RGS12: variants seen among roughly 807,000 people sequenced by gnomAD.
RGS12 encodes regulator of G-protein signaling 12.
RGS12 carries 66 observed loss-of-function variants against 120.1 expected under a neutral mutation model. That is an observed-to-expected ratio of 0.55 (90% CI 0.45 to 0.67). The LOEUF (loss-of-function observed/expected upper bound fraction) is 0.67. Ranked by LOEUF, RGS12 falls within the 30% of genes least tolerant of loss-of-function variation. The probability of loss-of-function intolerance (pLI) is 0.00; values close to 1 mark genes in which losing one functional copy is unlikely to be tolerated. For missense variants in RGS12, 1,859 were observed against 1,957.7 expected (o/e 0.95, Z 0.95); for synonymous variants, 827 against 804.7 (o/e 1.03, Z -0.47).
At chr4:3,408,705 C>T (rs1385576725) in intron 4 of RGS12, among the ~76,000 whole-genome samples, 1 of 152,118 alleles carries the variant, frequency 6.6e-6, no homozygotes, top group Non-Finnish European at 1.5e-5. Flanking sequence ...AGTTTTCTGT[C>T]CTGATCCTTA....
chr4:3,341,981 C>G (rs1429413526), intron 2 of RGS12, among the ~76,000 whole-genome samples: 1 of 150,678 alleles, frequency 6.6e-6, no homozygotes, highest in Non-Finnish European at 1.5e-5. Context: ...GGTCTGAGGA[C>G]ATGATGGGGT....
intron 2 of RGS12, among the ~76,000 whole-genome samples, chr4:3,326,064 A>G (rs1725534943): frequency 6.6e-6 from 1 of 152,240 alleles, no homozygotes; most frequent in East Asian, 1.9e-4. Context: ...AGCCAACATC[A>G]TACCAAAAGG....
At chr4:3,432,134 G>A in intron 17 of RGS12, 2 of 985,486 alleles carry the variant, frequency 2.0e-6, no homozygotes, top group Non-Finnish European at 2.4e-6. Flanking sequence ...TGCGTTTTGA[G>A]TCTGTTCTTC....
Position 3,420,715 on chromosome 4 carries a change from C to G in RGS12, c.2835C>G (p.Asp945Glu), listed in dbSNP as rs746423515. The G allele has an allele frequency of 6.2e-7, 1 of 1,611,764 alleles. No individual in the cohort carries two copies. The highest frequency in any genetic ancestry group is 8.5e-7 in the Non-Finnish European group (1 of 1,179,836). Residue 945 changes from aspartate to glutamate, a missense_variant, in exon 10 of 18, where the codon GAC becomes GAG. Coordinates refer to ENST00000336727, the MANE Select transcript of RGS12 (RefSeq NM_001394154.1). ...QGSVSSAGSL[D>E]LSEACRTLAP... ...CTGTGTCCTCTGCGGGGAGCCTGGACCTGGTGAGTCACTGTCTCCCCTCGT... is the reference window on the plus strand; with the variant it reads ...CTGTGTCCTCTGCGGGGAGCCTGGAGCTGGTGAGTCACTGTCTCCCCTCGT...
At chr4:3,310,827 C>T (rs1037324965) in intron 1 of RGS12, among the ~76,000 whole-genome samples, 22 of 152,214 alleles carry the variant, frequency 1.4e-4, no homozygotes, top group Non-Finnish European at 2.5e-4. Context: ...GAGAAGGTGG[C>T]GTGGTGTCTT....
intron 4 of RGS12, among the ~76,000 whole-genome samples, chr4:3,400,590 T>C (rs915117193): frequency 1.6e-4 from 24 of 150,196 alleles, no homozygotes; most frequent in Admixed American, 1.6e-3. Context: ...TACATGAATG[T>C]ACTCTATTAA....
chr4:3,405,389 C>T (rs1395644833), intron 4 of RGS12, among the ~76,000 whole-genome samples: 1 of 152,194 alleles, frequency 6.6e-6, no homozygotes, highest in Non-Finnish European at 1.5e-5. Flanking sequence ...GCATTCCAGC[C>T]AGTCACAAAG....
intron 2 of RGS12, among the ~76,000 whole-genome samples, chr4:3,332,419 A>G (rs1448951347): frequency 6.6e-6 from 1 of 152,240 alleles, no homozygotes; most frequent in African/African-American, 2.4e-5. Flanking sequence ...TTAACACTGT[A>G]TAATCCATTG....
chr4:3,436,080 C>T (rs917183932), intron 17 of RGS12, among the ~76,000 whole-genome samples: 5 of 152,222 alleles, frequency 3.3e-5, no homozygotes. Context: ...CAGCCCATCA[C>T]ACACAGTCAT....
At chr4:3,307,408 C>T (rs575464536) in intron 1 of RGS12, among the ~76,000 whole-genome samples, 1 of 152,314 alleles carries the variant, frequency 6.6e-6, no homozygotes, top group South Asian at 2.1e-4. Flanking sequence ...GGTAGATTTT[C>T]GTAAAACTAG....
intron 14 of RGS12, 67 bp downstream of exon 14, chr4:3,425,627 G>GGGTTGGCAT (rs1723533966): frequency 8.4e-7 from 1 of 1,187,734 alleles, no homozygotes; most frequent in Non-Finnish European, 1.2e-6. Context: ...GGGGGCTATG[G>GGGTTGGCAT]AGCCGGTGCA....
At chr4:3,396,112 C>A (rs542307691) in intron 4 of RGS12, among the ~76,000 whole-genome samples, 6 of 151,560 alleles carry the variant, frequency 4.0e-5, no homozygotes, top group Admixed American at 2.0e-4. Context: ...CAAATATTTT[C>A]CCAAATATTT....
In RGS12 at chr4:3,316,257, G is replaced by GTC. The variant is rs1211224911; in HGVS notation, c.87_88insTC (p.Ala30SerfsTer20). 1 of 1,613,592 alleles carries GTC rather than the reference G, an allele frequency of 6.2e-7. No homozygotes were observed. Among genetic ancestry groups the GTC allele is most frequent in the South Asian group, 1.1e-5 (1 of 91,034 alleles). On this transcript the variant is annotated frameshift_variant, in exon 2 of 18. Coordinates refer to ENST00000336727, the MANE Select transcript of RGS12 (RefSeq NM_001394154.1). LOFTEE classifies it high-confidence loss of function. Reference sequence around the variant, plus strand: ...GGAGTGTGGAGGTTGCCCGGGGGAGGGCCGGCTACGGATTCACGCTTTCGG... The same window carrying GTC: ...GGAGTGTGGAGGTTGCCCGGGGGAGGTCGCCGGCTACGGATTCACGCTTTCGG...
upstream of RGS12, among the ~76,000 whole-genome samples, chr4:3,291,392 G>T (rs921324008): frequency 7.0e-6 from 1 of 142,652 alleles, no homozygotes; most frequent in Non-Finnish European, 1.5e-5. Context: ...TGTCACCTAG[G>T]CTGGAGTGCA....
At chr4:3,424,600 C>T (rs531924350) in intron 13 of RGS12, among the ~76,000 whole-genome samples, 2 of 152,310 alleles carry the variant, frequency 1.3e-5, no homozygotes, top group South Asian at 2.1e-4. Context: ...GTGCTCGTGG[C>T]ATGGTTGGGG....
intron 4 of RGS12, among the ~76,000 whole-genome samples, chr4:3,391,027 G>A (rs1373834367): frequency 6.6e-6 from 1 of 152,218 alleles, no homozygotes; most frequent in Non-Finnish European, 1.5e-5. Flanking sequence ...CAGAAAAACA[G>A]TGCAGCCTAA....
At chr4:3,437,695 C>T (rs1724941256) in intron 17 of RGS12, among the ~76,000 whole-genome samples, 1 of 152,134 alleles carries the variant, frequency 6.6e-6, no homozygotes, top group Admixed American at 6.5e-5. Flanking sequence ...TCCACATGGA[C>T]CCCTGGGCCT....
chr4:3,317,594 C>T lies in RGS12; in HGVS notation c.1424C>T (p.Pro475Leu). ...CCCTGGGGTGCTCCCTGGACTGGGCCCTTCTGTCCGGACCCCGAAGGGAGC... is the reference window on the plus strand; with the variant it reads ...CCCTGGGGTGCTCCCTGGACTGGGCTCTTCTGTCCGGACCCCGAAGGGAGC... ...AQPWGAPWTGPFCPDPEGSPP... is the reference protein window; with the variant it reads ...AQPWGAPWTGLFCPDPEGSPP... Residue 475 changes from proline (P) to leucine (L), a missense_variant, in exon 2 of 18, where the codon CCC (proline) becomes CTC (leucine). This residue lies in a region of RGS12 where 967 missense variants were observed against 994.2 expected (regional missense o/e 0.97). Transcript: ENST00000336727. 6.3e-7 allele frequency: 1 copy of T among 1,592,622 alleles called. No individual in the cohort carries two copies. The highest frequency in any genetic ancestry group is 8.6e-7 in the Non-Finnish European group (1 of 1,168,960).
chr4:3,401,454 G>C (rs540644442), intron 4 of RGS12, among the ~76,000 whole-genome samples: 2 of 152,356 alleles, frequency 1.3e-5, no homozygotes, highest in East Asian at 3.9e-4. Context: ...GTTTGTCACA[G>C]TGTTCCTTTC....
Sources: gnomAD v4.1 joint callset for allele counts (sites outside exome capture counted in the v4.1 genomes callset) on GRCh38, gnomAD v4.1.1 for gene constraint, gnomAD v4.1.1 regional missense constraint, MANE v1.5 for transcripts, NCBI Gene and HGNC (gene_info 2026-07-23, HGNC 2026-07-21) for gene names.